AGMO: variants seen among roughly 807,000 people sequenced by gnomAD.
AGMO encodes alkylglycerol monooxygenase.
Under a neutral mutation model 60.2 loss-of-function variants are expected in AGMO, and 75 were observed. The observed-to-expected ratio is 1.25, with a 90% CI of 1.03 to 1.51. The LOEUF is 1.51. AGMO is among the 40% of genes most tolerant of loss of function. AGMO has a pLI of 0.00. For missense variants in AGMO, 763 were observed against 525.5 expected (o/e 1.45, Z -4.42); for synonymous variants, 261 against 177.1 (o/e 1.47, Z -3.76).
chr7:15,337,987 T>C (rs1053047387), intron 12 of AGMO, among the ~76,000 whole-genome samples: 1 of 152,180 alleles, frequency 6.6e-6, no homozygotes, highest in Admixed American at 6.5e-5. Context: ...GCAGTGACTT[T>C]GGACAGCTCC....
chr7:15,330,060 TTC>T (rs1781455597), intron 12 of AGMO, among the ~76,000 whole-genome samples: 1 of 54,990 alleles, frequency 1.8e-5, no homozygotes, highest in African/African-American at 4.3e-5. Flanking sequence ...TAGAATTATT[TTC>T]TTTTTTCTTT....
intron 3 of AGMO, among the ~76,000 whole-genome samples, chr7:15,511,727 G>C (rs1357374740): frequency 6.6e-6 from 1 of 152,124 alleles, no homozygotes; most frequent in Non-Finnish European, 1.5e-5. Flanking sequence ...ATGTTTCATT[G>C]TACATGGAAC....
chr7:15,387,478 A>C lies in AGMO; in HGVS notation c.885T>G (p.Phe295Leu), dbSNP rs1231037363. The C allele has an allele frequency of 6.2e-7, 1 of 1,614,118 alleles. No homozygotes were observed. Among genetic ancestry groups the C allele is most frequent in the South Asian group, 1.1e-5 (1 of 91,082 alleles). Residue 295 changes from phenylalanine to leucine, a missense_variant, in exon 9 of 13, where the codon TTT becomes TTG. Phe to Leu is a conservative substitution (Grantham distance 22). Transcript: ENST00000342526. Reference protein sequence around the residue: ...FWATPGFFNKFSVIFKGPGWG... With the variant: ...FWATPGFFNKLSVIFKGPGWG... ...ATCCCGGTCCCTTAAATATGACAGA[A>C]AACTTATTGAAGAATCCAGGTGTGG... is the stretch of plus-strand genomic sequence containing the variant.
At position 15,550,730 on chromosome 7, in the gene AGMO, C is replaced by T. The variant is rs1473914435; in HGVS notation, c.258-5807G>A. On this transcript the variant is annotated intron_variant, in intron 2 of 12. Transcript: ENST00000342526. ...CAGATGGATTCACAGCCGAATTCTA[C>T]CAGAGGTACAAGGAGGAACTGGTAC... Among the ~76,000 whole-genome samples, 883 of 141,674 alleles carry T rather than the reference C, an allele frequency of 6.2e-3. 8 individuals carry two copies. Among genetic ancestry groups the T allele is most frequent in the African/African-American group, 0.022 (845 of 37,628 alleles). 92.9% of individuals were successfully genotyped at this position (141,674 alleles called of 152,430 possible).
chr7:15,216,395 A>G (rs1217196647), intron 12 of AGMO, among the ~76,000 whole-genome samples: 1 of 152,034 alleles, frequency 6.6e-6, no homozygotes, highest in African/African-American at 2.4e-5. Context: ...TCCTTTTTCT[A>G]TGTTTTTTTT....
chr7:15,356,851 T>C (rs1403696235), intron 12 of AGMO, among the ~76,000 whole-genome samples: 3 of 150,830 alleles, frequency 2.0e-5, no homozygotes, highest in African/African-American at 4.9e-5. Flanking sequence ...CTCAAGCCTG[T>C]AATCCCAGCA....
chr7:15,378,950 A>C (rs902264973), intron 10 of AGMO, among the ~76,000 whole-genome samples: 1 of 152,134 alleles, frequency 6.6e-6, no homozygotes, highest in African/African-American at 2.4e-5. Context: ...ATTAAGACTA[A>C]GAAATTCACT....
intron 12 of AGMO, among the ~76,000 whole-genome samples, chr7:15,313,625 G>C (rs1279638378): frequency 1.3e-5 from 2 of 152,148 alleles, no homozygotes; most frequent in African/African-American, 4.8e-5. Context: ...GATAAGAGGA[G>C]ATAGAGTAAA....
rs984045984 is a variant in AGMO at position 15,297,863 on chromosome 7, A to C, written c.1263+67651T>G. On this transcript the variant is annotated intron_variant, in intron 12 of 12. Transcript: ENST00000342526. ...TATAAAGAATAAATAATAGATATTG[A>C]ACTAACATAAAATCCAAATAGCCAG... Among the ~76,000 whole-genome samples the C allele has an allele frequency of 2.0e-5, 3 of 152,168 alleles. No individual in the cohort carries two copies. In the South Asian group the frequency reaches 6.2e-4, roughly 31 times the overall value.
intron 6 of AGMO, among the ~76,000 whole-genome samples, chr7:15,393,666 C>G (rs34935295): frequency 0.36 from 55,109 of 151,712 alleles, 10,392 homozygotes; most frequent in Middle Eastern, 0.49. Flanking sequence ...GATTGTTCAA[C>G]GCCTTAGGCA....
At chr7:15,304,430 A>T (rs1346152399) in intron 12 of AGMO, among the ~76,000 whole-genome samples, 1 of 152,100 alleles carries the variant, frequency 6.6e-6, no homozygotes, top group African/African-American at 2.4e-5. Flanking sequence ...TACAATCTCA[A>T]ATCTGTTGGT....
At chr7:15,242,931 A>T (rs1782634371) in intron 12 of AGMO, among the ~76,000 whole-genome samples, 1 of 152,100 alleles carries the variant, frequency 6.6e-6, no homozygotes, top group African/African-American at 2.4e-5. Context: ...GAAGTTCATT[A>T]ATCTAAGATG....
intron 3 of AGMO, among the ~76,000 whole-genome samples, chr7:15,525,896 C>T (rs1003148030): frequency 3.9e-5 from 6 of 152,200 alleles, no homozygotes; most frequent in African/African-American, 1.4e-4. Context: ...AGGCACCTCT[C>T]TCTGGGCACC....
the AGMO span, among the ~76,000 whole-genome samples, chr7:15,177,971 T>C: frequency 6.6e-6 from 1 of 152,150 alleles, no homozygotes. Context: ...TCATTATATA[T>C]CCCAATAAAT....
At chr7:15,364,779 G>A (rs1038697267) in intron 12 of AGMO, among the ~76,000 whole-genome samples, 1 of 152,014 alleles carries the variant, frequency 6.6e-6, no homozygotes, top group African/African-American at 2.4e-5. Flanking sequence ...CTGATGCTAA[G>A]AGCGGGGGAT....
the AGMO span, among the ~76,000 whole-genome samples, chr7:15,158,894 C>A: frequency 6.6e-6 from 1 of 151,942 alleles, no homozygotes; most frequent in African/African-American, 2.4e-5. Context: ...TTTATTTTGT[C>A]CTTAAAAATA....
At chr7:15,358,313 C>A in intron 12 of AGMO, 1 of 422,716 alleles carries the variant, frequency 2.4e-6, no homozygotes, top group Non-Finnish European at 4.9e-6. Flanking sequence ...CATAAAATGG[C>A]TGAGGCAGCA....
chr7:15,521,423 A>AT (rs1307684134), intron 3 of AGMO, among the ~76,000 whole-genome samples: 1 of 152,214 alleles, frequency 6.6e-6, no homozygotes, highest in Non-Finnish European at 1.5e-5. Context: ...AATATCCCTG[A>AT]TAAACATCAA....
chr7:15,480,026 C>A (rs1416565675), intron 3 of AGMO, among the ~76,000 whole-genome samples: 1 of 152,056 alleles, frequency 6.6e-6, no homozygotes, highest in Non-Finnish European at 1.5e-5. Flanking sequence ...GTTGTGGCAA[C>A]AGACAAGAGA....
Sources: allele counts gnomAD v4.1 joint callset (sites outside exome capture counted in the v4.1 genomes callset), GRCh38; gene constraint gnomAD v4.1.1; transcripts MANE v1.5; gene names NCBI Gene and HGNC (gene_info 2026-07-23, HGNC 2026-07-21).